SMYD3: variants seen among roughly 807,000 people sequenced by gnomAD.
The protein encoded by SMYD3 is histone-lysine N-methyltransferase SMYD3.
A neutral mutation model predicts 57.7 loss-of-function variants in SMYD3; 36 were observed. That is an observed-to-expected ratio of 0.62 (90% CI 0.48 to 0.82). The LOEUF (loss-of-function observed/expected upper bound fraction) is 0.82. SMYD3 is among the 40% of genes least tolerant of loss of function. SMYD3 has a pLI of 0.00. For synonymous variants in SMYD3, 211 were observed against 195.0 expected (o/e 1.08, Z -0.68); for missense variants, 515 against 538.8 (o/e 0.96, Z 0.44).
intron 5 of SMYD3, among the ~76,000 whole-genome samples, chr1:245,991,805 T>G (rs12117603): frequency 0.46 from 60,685 of 132,946 alleles, 15,281 homozygotes; most frequent in Middle Eastern, 0.64. Flanking sequence ...ACACACCAAC[T>G]TACAACTGAA....
intron 5 of SMYD3, among the ~76,000 whole-genome samples, chr1:246,173,042 A>G (rs1303242047): frequency 1.3e-5 from 2 of 149,756 alleles, no homozygotes; most frequent in Non-Finnish European, 1.5e-5. Flanking sequence ...AGACTTTATC[A>G]ACACCGCACA....
chr1:246,050,268 A>G (rs924021372), intron 5 of SMYD3, among the ~76,000 whole-genome samples: 1 of 152,226 alleles, frequency 6.6e-6, no homozygotes, highest in African/African-American at 2.4e-5. Flanking sequence ...AGTGCAACAC[A>G]CACAAAAATA....
intron 5 of SMYD3, among the ~76,000 whole-genome samples, chr1:246,316,547 T>G (rs1213713570): frequency 6.9e-6 from 1 of 145,028 alleles, no homozygotes; most frequent in Non-Finnish European, 1.5e-5. Flanking sequence ...TTTGGTTTTT[T>G]TTTTTTTTTT....
chr1:245,814,316 G>A (rs2048664803), intron 10 of SMYD3: 3 of 937,106 alleles, frequency 3.2e-6, no homozygotes, highest in Non-Finnish European at 3.8e-6. Flanking sequence ...GTCTTCATAG[G>A]AATATAAGAA....
At chr1:245,955,999 C>T (rs1383989210) in intron 5 of SMYD3, 4 of 985,010 alleles carry the variant, frequency 4.1e-6, no homozygotes, top group Non-Finnish European at 4.8e-6. Flanking sequence ...AAGAGAATTT[C>T]CATAGGAACA....
chr1:246,074,310 G>T (rs2060506952), intron 5 of SMYD3, among the ~76,000 whole-genome samples: 1 of 145,516 alleles, frequency 6.9e-6, no homozygotes, highest in African/African-American at 2.7e-5. Flanking sequence ...AGTAAAGCAT[G>T]TTTTGCAAAT....
At chr1:246,319,492 T>C (rs2065213791) in intron 5 of SMYD3, among the ~76,000 whole-genome samples, 1 of 152,212 alleles carries the variant, frequency 6.6e-6, no homozygotes, top group South Asian at 2.1e-4. Flanking sequence ...CATACTGCCA[T>C]TTCACATCAA....
At chr1:246,331,503 T>C (rs745997385) in intron 3 of SMYD3, among the ~76,000 whole-genome samples, 1 of 152,236 alleles carries the variant, frequency 6.6e-6, no homozygotes, top group African/African-American at 2.4e-5. Context: ...CACAAGAAGA[T>C]AGCAGGGCCT....
At position 246,246,879 on chromosome 1, in the gene SMYD3, T is replaced by C. The variant is rs192809089; in HGVS notation, c.531+80322A>G. Among the ~76,000 whole-genome samples the C allele has an allele frequency of 1.2e-4, 18 of 151,448 alleles. No homozygotes were observed. In the East Asian group the frequency reaches 3.1e-3, roughly 26 times the overall value. ...TATGTAACACATATATTACACTGTTTAATATAATTACAGTCTCACATAGGG... is the reference window on the plus strand; with the variant it reads ...TATGTAACACATATATTACACTGTTCAATATAATTACAGTCTCACATAGGG... On this transcript the variant is annotated intron_variant, in intron 5 of 11. Coordinates refer to ENST00000490107, the MANE Select transcript of SMYD3 (RefSeq NM_001167740.2).
chr1:246,002,114 A>G lies in SMYD3; in HGVS notation c.532-72177T>C, dbSNP rs538590332. On this transcript the variant is annotated intron_variant, in intron 5 of 11. Transcript: ENST00000490107. ...GCCAAATTCACTGCAGGAACAAGTC[A>G]TAAGTCCACTGAGAAGCGCATGCCA... Among the ~76,000 whole-genome samples the G allele has an allele frequency of 5.3e-5, 8 of 152,278 alleles. No individual in the cohort carries two copies. The South Asian group carries it at 1.5e-3, about 28-fold the overall frequency.
At chr1:246,113,184 A>AAAATAAATAAATAAATAAAT (rs61169442) in intron 5 of SMYD3, among the ~76,000 whole-genome samples, 1 of 145,458 alleles carries the variant, frequency 6.9e-6, no homozygotes, top group Non-Finnish European at 1.5e-5. Context: ...TCTGTCTCAA[A>AAAATAAATAAATAAATAAAT]AAATAAATAA....
rs144524117 is a variant in SMYD3 at position 245,891,493 on chromosome 1, G to A, written c.813+24037C>T. On this transcript the variant is annotated intron_variant, in intron 8 of 11. Transcript: ENST00000490107. ...CTTTGTCCAGGAATCTGGGGGGAGG[G>A]GAGCAATGACCTGGATGTGACTCTG... Among the ~76,000 whole-genome samples the A allele has an allele frequency of 3.9e-3, 592 of 152,320 alleles. 3 individuals carry two copies. The highest frequency in any genetic ancestry group is 0.013 in the African/African-American group (553 of 41,584).
At chr1:246,415,192 A>G (rs764070409) in intron 1 of SMYD3, among the ~76,000 whole-genome samples, 1 of 152,232 alleles carries the variant, frequency 6.6e-6, no homozygotes, top group Non-Finnish European at 1.5e-5. Context: ...TTGTTAACAC[A>G]GATACACTGT....
chr1:246,379,957 G>A (rs1384206511), intron 1 of SMYD3, among the ~76,000 whole-genome samples: 1 of 149,678 alleles, frequency 6.7e-6, no homozygotes, highest in Non-Finnish European at 1.5e-5. Flanking sequence ...CAGGGAGGTC[G>A]AGATCACACC....
intron 1 of SMYD3, among the ~76,000 whole-genome samples, chr1:246,472,853 C>CTTTTT (rs74163449): frequency 1.4e-4 from 14 of 102,912 alleles, no homozygotes; most frequent in Non-Finnish European, 1.6e-4. Context: ...TCTCAAATTT[C>CTTTTT]TTTTTTTTTT....
intron 8 of SMYD3, among the ~76,000 whole-genome samples, chr1:245,883,360 C>G (rs2052901185): frequency 1.3e-5 from 2 of 152,152 alleles, no homozygotes; most frequent in Admixed American, 1.3e-4. Flanking sequence ...GTGCCTTGTT[C>G]AAGTCTCAAA....
At chr1:245,913,141 A>C (rs1286370776) in intron 8 of SMYD3, among the ~76,000 whole-genome samples, 1 of 152,236 alleles carries the variant, frequency 6.6e-6, no homozygotes, top group Non-Finnish European at 1.5e-5. Context: ...GACTGGATTA[A>C]GAAAATGTGG....
At chr1:245,833,073 A>ACAACAAAAAAAAAAAAAACACAAC (rs1553337078) in intron 10 of SMYD3, among the ~76,000 whole-genome samples, 7 of 128,652 alleles carry the variant, frequency 5.4e-5, no homozygotes, top group Non-Finnish European at 9.5e-5. Context: ...AAAAAAAAAA[A>ACAACAAAAAAAAAAAAAACACAAC]AACCTGCTTT....
In SMYD3 at chr1:246,435,199, T is replaced by C. The variant is rs185850694; in HGVS notation, c.164+71855A>G. Among the ~76,000 whole-genome samples, 6 of 152,146 alleles carry C rather than the reference T, an allele frequency of 3.9e-5. 1 individual carries two copies. Among genetic ancestry groups the C allele is most frequent in the African/African-American group, 1.4e-4 (6 of 41,518 alleles). ...AAAGGAGGAGGCAAGGATTGAAAAATTATTGGGTACTATGCTCACTACCTG... is the reference window on the plus strand; with the variant it reads ...AAAGGAGGAGGCAAGGATTGAAAAACTATTGGGTACTATGCTCACTACCTG... On this transcript the variant is annotated intron_variant, in intron 1 of 11. Coordinates refer to ENST00000490107, the MANE Select transcript of SMYD3 (RefSeq NM_001167740.2).
Sources: gnomAD v4.1 joint callset for allele counts (sites outside exome capture counted in the v4.1 genomes callset) on GRCh38, gnomAD v4.1.1 for gene constraint, MANE v1.5 for transcripts, NCBI Gene and HGNC (gene_info 2026-07-23, HGNC 2026-07-21) for gene names.